The following GLE1 variants were observed in gnomAD, a reference collection of about 807,000 sequenced individuals.
The protein encoded by GLE1 is GLE1 RNA export mediator, also known as mRNA export factor GLE1.
In GLE1, 78 loss-of-function variants were observed where a neutral mutation model predicts 97.3. The observed-to-expected ratio is 0.80, with a 90% CI of 0.67 to 0.97. The LOEUF is 0.97. Among genes scored for constraint, GLE1 ranks in the 50% least tolerant of loss-of-function variants. The probability of loss-of-function intolerance (pLI) is 0.00; values close to 1 mark genes in which losing one functional copy is unlikely to be tolerated. For synonymous variants in GLE1, 302 were observed against 313.4 expected, an observed-to-expected ratio of 0.96 and a Z score of 0.39; for missense variants, 753 against 857.5, an observed-to-expected ratio of 0.88 and a Z score of 1.52.
In GLE1 at chr9:128,516,906, A is replaced by G. The variant is rs566553270; in HGVS notation, c.432+1267A>G. Among the ~76,000 whole-genome samples the G allele has an allele frequency of 1.6e-4, 24 of 151,892 alleles. 1 individual carries two copies. The highest frequency in any genetic ancestry group is 5.8e-4 in the African/African-American group (24 of 41,482). The stretch of plus-strand genomic sequence containing the variant: ...CTCCCAAAGTGCTGGGATTACAGGC[A>G]TAAGCCACTGCGCCCAGCATGTATT... On this transcript the variant is annotated intron_variant, in intron 3 of 15. Coordinates refer to ENST00000309971, the MANE Select transcript of GLE1 (RefSeq NM_001003722.2).
At position 128,527,163 on chromosome 9, in the gene GLE1, CTCTT is replaced by C. The variant is rs751312700; in HGVS notation, c.1130-14_1130-11del. On this transcript the variant is annotated splice_polypyrimidine_tract_variant and intron_variant, in intron 7 of 15. Coordinates refer to ENST00000309971, the MANE Select transcript of GLE1 (RefSeq NM_001003722.2). ...TAAATACTAGCTATTACTAAAACCT[CTCTT>C]TTATTTCTCAGACCTCCAGGTGAAG... is the stretch of plus-strand genomic sequence containing the variant. 7.2e-7 allele frequency: 1 copy of C among 1,392,010 alleles called. No individual in the cohort carries two copies. Among genetic ancestry groups the C allele is most frequent in the Admixed American group, 1.7e-5 (1 of 59,690 alleles). 86.2% of individuals were successfully genotyped at this position (1,392,010 alleles called of 1,614,324 possible). A position where few individuals can be genotyped will look rare whatever the true frequency, so the allele number is the denominator to read the frequency against.
At chr9:128,535,152 G>T (rs889637420) in intron 11 of GLE1, among the ~76,000 whole-genome samples, 1 of 152,168 alleles carries the variant, frequency 6.6e-6, no homozygotes, top group Admixed American at 6.5e-5. Flanking sequence ...GAAGCAGAAG[G>T]ATCGCTTGAG....
rs190601750 is a variant in GLE1, at chr9:128,538,113, A to G, written c.1881+23A>G. On this transcript the variant is annotated intron_variant, in intron 13 of 15. Coordinates refer to ENST00000309971, the MANE Select transcript of GLE1 (RefSeq NM_001003722.2). ...GAGGTACGTAACTCAGTTATCACACAAGAGAAGGCCAGTGGTTGAGGTAGC... is the reference window on the plus strand; with the variant it reads ...GAGGTACGTAACTCAGTTATCACACGAGAGAAGGCCAGTGGTTGAGGTAGC... 51 of 1,279,020 alleles carry G rather than the reference A, an allele frequency of 4.0e-5. No individual in the cohort carries two copies. In the African/African-American group the frequency reaches 6.8e-4, roughly 17 times the overall value. The allele number at this position is 1,279,020 out of a possible 1,614,324, so 79.2% of individuals were successfully genotyped here. A position where few individuals can be genotyped will look rare whatever the true frequency, so the allele number is the denominator to read the frequency against.
chr9:128,518,901 C>G (rs1847061173), intron 3 of GLE1, among the ~76,000 whole-genome samples: 1 of 151,128 alleles, frequency 6.6e-6, no homozygotes, highest in Non-Finnish European at 1.5e-5. Flanking sequence ...TGCGGGAAGT[C>G]AGGGACCCCA....
chr9:128,508,899 T>C lies in GLE1; in HGVS notation c.123T>C (p.Ser41=). ...RREDVLEECM[S]LPKLSSYSGW... is the part of the protein sequence containing the mutation. ...AGGATGTTTTAGAAGAATGTATGTC[T>C]CTTCCCAAGCTATCTTCTTATTCTG... The change falls in exon 2 of 16, where the codon TCT becomes TCC. Residue 41 remains serine, a synonymous_variant. Coordinates refer to ENST00000309971, the MANE Select transcript of GLE1 (RefSeq NM_001003722.2). The C allele has an allele frequency of 6.2e-7, 1 of 1,604,844 alleles. No homozygotes were observed.
At position 128,504,790 on chromosome 9, in the gene GLE1, T is replaced by A. The variant is rs763257279; in HGVS notation, c.-16T>A. The A allele has an allele frequency of 3.5e-5, 54 of 1,544,764 alleles. No individual in the cohort carries two copies. Among genetic ancestry groups the A allele is most frequent in the Non-Finnish European group, 4.8e-5 (54 of 1,117,028 alleles). On this transcript the variant is annotated 5_prime_UTR_variant, in exon 1 of 16. Coordinates refer to ENST00000309971, the MANE Select transcript of GLE1 (RefSeq NM_001003722.2). Reference sequence around the variant, plus strand: ...GTCAGAAGGGGGGCGTCAGAGAAGCTGCCCCTTAGCCAACCATGCCGTCTG... The same window carrying A: ...GTCAGAAGGGGGGCGTCAGAGAAGCAGCCCCTTAGCCAACCATGCCGTCTG...
At chr9:128,519,728 T>C (rs528423108) in intron 3 of GLE1, among the ~76,000 whole-genome samples, 150 of 152,350 alleles carry the variant, frequency 9.8e-4, no homozygotes, top group African/African-American at 3.5e-3. Flanking sequence ...CCTTGTGAAG[T>C]ACTTGATGTG....
At position 128,504,802 on chromosome 9, in the gene GLE1, A is replaced by T. The variant is rs749792478; in HGVS notation, c.-4A>T. The T allele has an allele frequency of 6.2e-6, 10 of 1,601,444 alleles. No homozygotes were observed. The highest frequency in any genetic ancestry group is 1.1e-5 in the South Asian group (1 of 90,836). The stretch of plus-strand genomic sequence containing the variant: ...GCGTCAGAGAAGCTGCCCCTTAGCC[A>T]ACCATGCCGTCTGAGGGTCGCTGCT... On this transcript the variant is annotated 5_prime_UTR_variant, in exon 1 of 16. Coordinates refer to ENST00000309971, the MANE Select transcript of GLE1 (RefSeq NM_001003722.2).
rs200856711 is a variant in GLE1 at position 128,539,705 on chromosome 9, G to A, written c.1964+7G>A. The A allele has an allele frequency of 4.3e-5, 69 of 1,613,776 alleles. No individual in the cohort carries two copies. The East Asian group carries it at 1.5e-3, about 35-fold the overall frequency. On this transcript the variant is annotated splice_region_variant and intron_variant, in intron 14 of 15. Transcript: ENST00000309971. ...AAGAGGACTACTTTCCCAGGTATCAGGCTTGTTGAGCAGACAGCAGGGGAT... is the reference window on the plus strand; with the variant it reads ...AAGAGGACTACTTTCCCAGGTATCAAGCTTGTTGAGCAGACAGCAGGGGAT...
Position 128,541,217 on chromosome 9 carries a change from TAAAG to T in GLE1, c.*48_*51del. 1 of 1,037,780 alleles carries T rather than the reference TAAAG, an allele frequency of 9.6e-7. No homozygotes were observed. The allele number at this position is 1,037,780 out of a possible 1,614,324, so 64.3% of individuals were successfully genotyped here. A position where few individuals can be genotyped will look rare whatever the true frequency, so the allele number is the denominator to read the frequency against. ...CACCGCTGCTGCAAAGAGGCAATAA[TAAAG>T]GAACTGAAGACAGCTGTATTTGGGA... On this transcript the variant is annotated 3_prime_UTR_variant, in exon 16 of 16. Coordinates refer to ENST00000309971, the MANE Select transcript of GLE1 (RefSeq NM_001003722.2).
At chr9:128,530,279 T>G (rs1847452154) in intron 9 of GLE1, among the ~76,000 whole-genome samples, 1 of 152,192 alleles carries the variant, frequency 6.6e-6, no homozygotes, top group African/African-American at 2.4e-5. Flanking sequence ...GCCTCAAGTT[T>G]AATGTGTTCA....
intron 9 of GLE1, chr9:128,529,102 G>C (rs1482290202): frequency 2.0e-5 from 3 of 152,178 alleles, no homozygotes; most frequent in Non-Finnish European, 4.4e-5. Flanking sequence ...ACAGGGCAAG[G>C]TATAAATAAA....
Position 128,533,556 on chromosome 9 carries a change from C to T in GLE1, c.1356C>T (p.Leu452=). The change falls in exon 10 of 16, where the codon CTC becomes CTT. Residue 452 remains leucine, a synonymous_variant. Coordinates refer to ENST00000309971, the MANE Select transcript of GLE1 (RefSeq NM_001003722.2). ...TCTTTGACAAGATCCACAGCCTGCT[C>T]TCTGGAAAACCTGTTCAATCTGGTG... ...KEIFDKIHSL[L]SGKPVQSGGR... 2 of 1,613,202 alleles carry T rather than the reference C, an allele frequency of 1.2e-6. No individual in the cohort carries two copies. Among genetic ancestry groups the T allele is most frequent in the Non-Finnish European group, 1.7e-6 (2 of 1,179,358 alleles).
intron 14 of GLE1, 105 bp downstream of exon 14, chr9:128,539,803 A>G (rs1011176990): frequency 4.1e-5 from 65 of 1,590,604 alleles, no homozygotes; most frequent in Non-Finnish European, 5.3e-5. Context: ...AGTTAAAAAC[A>G]CCTGTACTAA....
intron 1 of GLE1, among the ~76,000 whole-genome samples, chr9:128,506,373 G>A (rs1004357487): frequency 1.3e-5 from 2 of 152,038 alleles, no homozygotes; most frequent in Non-Finnish European, 2.9e-5. Flanking sequence ...TTGTAAATAT[G>A]TACAACAATT....
intron 5 of GLE1, 39 bp from the exon 6 acceptor site, chr9:128,523,553 G>C: frequency 6.2e-7 from 1 of 1,612,230 alleles, no homozygotes; most frequent in Non-Finnish European, 8.5e-7. Context: ...AGAAGCCCAG[G>C]AACCCCTCAG....
chr9:128,534,870 C>G (rs1020672728), intron 11 of GLE1, among the ~76,000 whole-genome samples: 3 of 151,872 alleles, frequency 2.0e-5, no homozygotes, highest in Admixed American at 6.6e-5. Context: ...AGGCGCCCAC[C>G]ACCACGCCCA....
intron 9 of GLE1, among the ~76,000 whole-genome samples, chr9:128,531,916 G>A (rs1847523584): frequency 6.6e-6 from 1 of 151,942 alleles, no homozygotes; most frequent in Admixed American, 6.6e-5. Flanking sequence ...TGTTGCTGTG[G>A]CATGGGGAGG....
At chr9:128,530,683 G>C (rs1847469764) in intron 9 of GLE1, among the ~76,000 whole-genome samples, 1 of 151,382 alleles carries the variant, frequency 6.6e-6, no homozygotes, top group Non-Finnish European at 1.5e-5. Flanking sequence ...GCCGAGCCTG[G>C]CGGGTCACCA....
Sources: allele counts gnomAD v4.1 joint callset (sites outside exome capture counted in the v4.1 genomes callset), GRCh38; gene constraint gnomAD v4.1.1; transcripts MANE v1.5; gene names NCBI Gene and HGNC (gene_info 2026-07-23, HGNC 2026-07-21).